Variants in DLGAP2 observed in about 807,000 individuals in gnomAD.
The protein encoded by DLGAP2 is DLG associated protein 2.
In DLGAP2, 26 loss-of-function variants were observed where a neutral mutation model predicts 100.3. The observed-to-expected ratio is 0.26, with a 90% confidence interval of 0.19 to 0.36. DLGAP2 has a LOEUF of 0.36. Ranked by LOEUF, DLGAP2 falls within the 10% of genes least tolerant of loss-of-function variation. The probability of loss-of-function intolerance (pLI) is 1.00; values close to 1 mark genes in which losing one functional copy is unlikely to be tolerated. For missense variants in DLGAP2, 1,858 were observed against 1,453.2 expected (o/e 1.28, Z -4.53); for synonymous variants, 886 against 630.1 (o/e 1.41, Z -6.08).
At chr8:1,537,188 G>C (rs1447804624) in intron 4 of DLGAP2, among the ~76,000 whole-genome samples, 1 of 152,078 alleles carries the variant, frequency 6.6e-6, no homozygotes, top group East Asian at 1.9e-4. Flanking sequence ...CGACCTAATG[G>C]GTGTGCATGC....
chr8:1,692,442 T>C (rs944140444), intron 13 of DLGAP2, among the ~76,000 whole-genome samples: 9 of 148,484 alleles, frequency 6.1e-5, no homozygotes, highest in Middle Eastern at 3.2e-3. Flanking sequence ...TTAAACGCGG[T>C]ACCGAGGCAG....
intron 1 of DLGAP2, among the ~76,000 whole-genome samples, chr8:770,700 G>C (rs1821333686): frequency 6.6e-6 from 1 of 152,160 alleles, no homozygotes; most frequent in African/African-American, 2.4e-5. Flanking sequence ...TGTGATTGCT[G>C]GGCCGGCTGT....
At chr8:867,051 T>C (rs937274354) in intron 1 of DLGAP2, among the ~76,000 whole-genome samples, 3 of 152,228 alleles carry the variant, frequency 2.0e-5, no homozygotes, top group Non-Finnish European at 4.4e-5. Context: ...CGCCGTTCTG[T>C]GCTGTTCACC....
At chr8:1,313,977 A>T (rs954516779) in intron 3 of DLGAP2, among the ~76,000 whole-genome samples, 1 of 152,140 alleles carries the variant, frequency 6.6e-6, no homozygotes, top group Non-Finnish European at 1.5e-5. Context: ...TAAAATTACA[A>T]TATTTCATAA....
intron 2 of DLGAP2, among the ~76,000 whole-genome samples, chr8:1,023,590 C>T (rs988338332): frequency 6.6e-6 from 1 of 151,018 alleles, no homozygotes; most frequent in Admixed American, 6.6e-5. Flanking sequence ...TTCAGCGCAA[C>T]AGTGTCGGCA....
At chr8:943,316 C>T (rs190494243) in intron 2 of DLGAP2, among the ~76,000 whole-genome samples, 13 of 152,204 alleles carry the variant, frequency 8.5e-5, no homozygotes, top group East Asian at 1.9e-4. Context: ...AAAAATCATA[C>T]GGCGAGATTT....
At chr8:1,072,493 G>A (rs778149021) in intron 2 of DLGAP2, among the ~76,000 whole-genome samples, 9 of 152,164 alleles carry the variant, frequency 5.9e-5, no homozygotes, top group Non-Finnish European at 1.0e-4. Flanking sequence ...TTATCTTGGA[G>A]AACTCGACGC....
At chr8:1,582,463 T>C (rs1385876077) in intron 6 of DLGAP2, among the ~76,000 whole-genome samples, 1 of 149,092 alleles carries the variant, frequency 6.7e-6, no homozygotes, top group Non-Finnish European at 1.5e-5. Flanking sequence ...CCCAGAATTC[T>C]AGAATGAGAG....
chr8:881,668 C>CACAG (rs1554439026), intron 1 of DLGAP2, among the ~76,000 whole-genome samples: 2 of 121,066 alleles, frequency 1.7e-5, no homozygotes, highest in African/African-American at 3.0e-5. Context: ...TGTGGCTGAA[C>CACAG]ACACACACAC....
chr8:1,641,272 A>G (rs1484469273), intron 8 of DLGAP2, among the ~76,000 whole-genome samples: 2 of 152,212 alleles, frequency 1.3e-5, no homozygotes. Context: ...TGCATATGTA[A>G]GCCAGAATTG....
At chr8:1,114,905 ATCAGTT>A (rs1563199530) in intron 2 of DLGAP2, among the ~76,000 whole-genome samples, 1 of 152,140 alleles carries the variant, frequency 6.6e-6, no homozygotes, top group East Asian at 1.9e-4. Flanking sequence ...CTTTGTTCTT[ATCAGTT>A]TCAAAGAACT....
chr8:1,061,145 G>C (rs1014977580), intron 2 of DLGAP2, among the ~76,000 whole-genome samples: 3 of 152,216 alleles, frequency 2.0e-5, no homozygotes, highest in African/African-American at 7.2e-5. Context: ...TGATTTGGTA[G>C]ACCTGGCGCT....
At chr8:1,186,298 G>C (rs1490088020) in intron 2 of DLGAP2, among the ~76,000 whole-genome samples, 4 of 152,220 alleles carry the variant, frequency 2.6e-5, no homozygotes, top group Admixed American at 6.5e-5. Flanking sequence ...CAGATCCAGC[G>C]TACTCACCAT....
At chr8:1,366,309 G>T (rs767220497) in intron 3 of DLGAP2, among the ~76,000 whole-genome samples, 6 of 152,246 alleles carry the variant, frequency 3.9e-5, no homozygotes, top group Non-Finnish European at 7.3e-5. Flanking sequence ...AGATACAGGT[G>T]CATGAGACAT....
chr8:1,377,271 G>A (rs543436545), intron 3 of DLGAP2, among the ~76,000 whole-genome samples: 7 of 152,330 alleles, frequency 4.6e-5, no homozygotes, highest in South Asian at 2.1e-4. Context: ...TCGGCCGAGC[G>A]CAGTGGCTCA....
intron 3 of DLGAP2, among the ~76,000 whole-genome samples, chr8:1,291,861 A>C (rs1800067631): frequency 6.6e-6 from 1 of 152,114 alleles, no homozygotes; most frequent in Admixed American, 6.5e-5. Context: ...GGCTTAGTCT[A>C]ATCACCCAGC....
At chr8:838,819 TA>T (rs1796930056) in intron 1 of DLGAP2, among the ~76,000 whole-genome samples, 1 of 152,182 alleles carries the variant, frequency 6.6e-6, no homozygotes, top group Non-Finnish European at 1.5e-5. Context: ...TAAAGGCAAT[TA>T]ATTAAAGCTG....
rs200420347 is a variant in DLGAP2, at chr8:1,549,353, C to T, written c.900C>T (p.Asp300=). The T allele has an allele frequency of 8.7e-5, 140 of 1,613,414 alleles. No homozygotes were observed. In the Middle Eastern group the frequency reaches 9.9e-4, roughly 11 times the overall value. The change falls in exon 5 of 15, where the codon GAC becomes GAT. Residue 300 remains aspartate, a synonymous_variant. Coordinates refer to ENST00000637795, the MANE Select transcript of DLGAP2 (RefSeq NM_001346810.2). ...RPGMSSWWSS[D]DNLDSDSTYR... ...GCATGAGCAGCTGGTGGAGCTCGGACGACAACCTGGACAGCGACAGCACCT... is the reference window on the plus strand; with the variant it reads ...GCATGAGCAGCTGGTGGAGCTCGGATGACAACCTGGACAGCGACAGCACCT...
chr8:1,253,040 G>T (rs145929779), intron 2 of DLGAP2, among the ~76,000 whole-genome samples: 1 of 152,152 alleles, frequency 6.6e-6, no homozygotes, highest in Non-Finnish European at 1.5e-5. Flanking sequence ...CTGTCCCTCC[G>T]CTGCTTGCAC....
Sources: gnomAD v4.1 joint callset for allele counts (sites outside exome capture counted in the v4.1 genomes callset) on GRCh38, gnomAD v4.1.1 for gene constraint, MANE v1.5 for transcripts, NCBI Gene and HGNC (gene_info 2026-07-23, HGNC 2026-07-21) for gene names.